The following SLC2A2 variants were observed in gnomAD, a reference collection of about 807,000 sequenced individuals.
The protein encoded by SLC2A2 is solute carrier family 2, facilitated glucose transporter member 2.
SLC2A2 carries 36 observed loss-of-function variants against 54.5 expected under a neutral mutation model. The observed-to-expected ratio is 0.66, with a 90% CI of 0.51 to 0.87. SLC2A2 has a LOEUF of 0.87. Among genes scored for constraint, SLC2A2 ranks in the 40% least tolerant of loss-of-function variants. SLC2A2 has a pLI of 0.00. For missense variants in SLC2A2, 543 were observed against 624.3 expected (o/e 0.87, Z 1.39); for synonymous variants, 223 against 219.1 (o/e 1.02, Z -0.16).
chr3:171,017,502 A>G (rs534041234), intron 2 of SLC2A2, among the ~76,000 whole-genome samples: 8 of 152,214 alleles, frequency 5.3e-5, no homozygotes, highest in Non-Finnish European at 1.2e-4. Flanking sequence ...TTGGGGCTCA[A>G]TGTTCTAAAA....
At position 170,997,525 on chromosome 3, in the gene SLC2A2, G is replaced by T; in HGVS notation, c.*378C>A. The T allele has an allele frequency of 5.2e-6, 1 of 191,678 alleles. No individual in the cohort carries two copies. Among genetic ancestry groups the T allele is most frequent in the Non-Finnish European group, 1.1e-5 (1 of 93,674 alleles). 11.9% of individuals were successfully genotyped at this position (191,678 alleles called of 1,614,324 possible). ...ATGGGTAAGAAAATTCCAATTTAATGATATTCAAATATATAAATATTTGTT... is the reference window on the plus strand; with the variant it reads ...ATGGGTAAGAAAATTCCAATTTAATTATATTCAAATATATAAATATTTGTT... On this transcript the variant is annotated 3_prime_UTR_variant, in exon 11 of 11. Coordinates refer to ENST00000314251, the MANE Select transcript of SLC2A2 (RefSeq NM_000340.2).
intron 2 of SLC2A2, among the ~76,000 whole-genome samples, chr3:171,016,033 T>G (rs937545579): frequency 6.6e-5 from 10 of 152,268 alleles, no homozygotes; most frequent in African/African-American, 2.2e-4. Flanking sequence ...GAAAAGGACC[T>G]GGAATGCAGC....
In SLC2A2 at chr3:171,014,474, A is replaced by G. The variant is rs778974360; in HGVS notation, c.366T>C (p.Leu122=). 1.2e-6 allele frequency: 2 copies of G among 1,614,142 alleles called. No homozygotes were observed. Among genetic ancestry groups the G allele is most frequent in the Non-Finnish European group, 1.7e-6 (2 of 1,179,958 alleles). The change falls in exon 3 of 11, where the codon CTT becomes CTC. Residue 122 remains leucine, a synonymous_variant. Transcript: ENST00000314251. ...SFFGGWLGDT[L]GRIKAMLVAN... ...TATTTATGAAATTTGCCTACCTTCC[A>G]AGTGTGTCCCCAAGCCACCCACCAA...
chr3:170,998,477 C>G, intron 9 of SLC2A2, 81 bp from the exon 10 acceptor site: 3 of 1,057,364 alleles, frequency 2.8e-6, no homozygotes, highest in East Asian at 2.5e-5. Flanking sequence ...TCTGAGTTCA[C>G]AGGCGGCATA....
chr3:171,015,710 C>G (rs187206761), intron 2 of SLC2A2, among the ~76,000 whole-genome samples: 1 of 152,132 alleles, frequency 6.6e-6, no homozygotes, highest in East Asian at 1.9e-4. Flanking sequence ...ACTTCCTAGC[C>G]ACCAGGGCAG....
At chr3:171,011,815 T>G (rs557441921) in intron 3 of SLC2A2, among the ~76,000 whole-genome samples, 2 of 152,222 alleles carry the variant, frequency 1.3e-5, no homozygotes, top group Admixed American at 1.3e-4. Flanking sequence ...AATAGTCTCT[T>G]TTATTAGGGG....
intron 7 of SLC2A2, among the ~76,000 whole-genome samples, chr3:171,004,097 C>T (rs1335408133): frequency 1.3e-5 from 2 of 151,964 alleles, no homozygotes; most frequent in Non-Finnish European, 1.5e-5. Flanking sequence ...TTCCTGCAGA[C>T]AGGACTGAGG....
At chr3:171,006,737 A>G (rs538306714) in intron 5 of SLC2A2, among the ~76,000 whole-genome samples, 1 of 152,180 alleles carries the variant, frequency 6.6e-6, no homozygotes, top group East Asian at 1.9e-4. Context: ...TCACTTACAT[A>G]TTAGATTCCC....
Position 170,997,719 on chromosome 3 carries a change from C to T in SLC2A2, c.*184G>A, listed in dbSNP as rs928186912. 1.6e-6 allele frequency: 1 copy of T among 618,170 alleles called. No individual in the cohort carries two copies. The highest frequency in any genetic ancestry group is 1.8e-5 in the African/African-American group (1 of 54,058). The allele number at this position is 618,170 out of a possible 1,614,324, so 38.3% of individuals were successfully genotyped here. A position where few individuals can be genotyped will look rare whatever the true frequency, so the allele number is the denominator to read the frequency against. ...GTTTACTTAATTACAGTCTTACCAT[C>T]AAAAATATATTCTCTAACTTAAAAA... is the stretch of plus-strand genomic sequence containing the variant. On this transcript the variant is annotated 3_prime_UTR_variant, in exon 11 of 11. Coordinates refer to ENST00000314251, the MANE Select transcript of SLC2A2 (RefSeq NM_000340.2).
rs1322910134 is a variant in SLC2A2 at position 171,010,033 on chromosome 3, A to G, written c.421T>C (p.Leu141=). The change falls in exon 4 of 11, where the codon TTG becomes CTG. Residue 141 remains leucine, a synonymous_variant. Transcript: ENST00000314251. The part of the protein sequence containing the change: ...ANILSLVGAL[L]MGFSKLGPSH... ...GGTCCCAATTTTGAAAACCCCATCAAGAGAGCTCCAACTAATGACAGAATG... is the reference window on the plus strand; with the variant it reads ...GGTCCCAATTTTGAAAACCCCATCAGGAGAGCTCCAACTAATGACAGAATG... The G allele has an allele frequency of 3.7e-6, 6 of 1,613,032 alleles. No homozygotes were observed. The highest frequency in any genetic ancestry group is 5.1e-6 in the Non-Finnish European group (6 of 1,179,368).
At chr3:171,003,171 A>G (rs66683764) in intron 7 of SLC2A2, among the ~76,000 whole-genome samples, 21,650 of 151,888 alleles carry the variant, frequency 0.14, 1,998 homozygotes, top group African/African-American at 0.26. Context: ...CTTGATGTGA[A>G]TGGAACCACA....
intron 4 of SLC2A2, among the ~76,000 whole-genome samples, chr3:171,008,420 A>G (rs936508017): frequency 2.0e-5 from 3 of 152,086 alleles, no homozygotes; most frequent in African/African-American, 7.2e-5. Flanking sequence ...ATACCTGAAA[A>G]ACAGAATAAT....
At position 171,002,584 on chromosome 3, in the gene SLC2A2, C is replaced by A; in HGVS notation, c.1060G>T (p.Ala354Ser). Residue 354 changes from alanine (A) to serine (S), a missense_variant, in exon 8 of 11, where the codon GCT (alanine) becomes TCT (serine). By Grantham distance (99) the Ala-to-Ser change is moderately conservative. Coordinates refer to ENST00000314251, the MANE Select transcript of SLC2A2 (RefSeq NM_000340.2). ...CTAGGGCATTGACTTACAGAGACAGCAGTGAAAACCATGTTTACAGCGCCA... is the reference window on the plus strand; with the variant it reads ...CTAGGGCATTGACTTACAGAGACAGAAGTGAAAACCATGTTTACAGCGCCA... Reference protein sequence around the residue: ...GVGAVNMVFTAVSVFLVEKAG... With the variant: ...GVGAVNMVFTSVSVFLVEKAG... The A allele has an allele frequency of 6.3e-7, 1 of 1,597,334 alleles. No homozygotes were observed.
At chr3:171,000,928 CA>C (rs1049098481) in intron 8 of SLC2A2, among the ~76,000 whole-genome samples, 1 of 151,948 alleles carries the variant, frequency 6.6e-6, no homozygotes, top group Non-Finnish European at 1.5e-5. Context: ...AACAATGTTT[CA>C]AAAATTAATA....
chr3:171,022,095 G>A (rs1009886373), intron 1 of SLC2A2, among the ~76,000 whole-genome samples: 21 of 152,166 alleles, frequency 1.4e-4, no homozygotes, highest in African/African-American at 5.1e-4. Context: ...TTCTTTGGAG[G>A]ACGATTATTC....
rs974686217 is a variant in SLC2A2, at chr3:171,007,039, C to T, written c.612+109G>A. ...GTGAGAATGGACAGTCAGGGAGGGA[C>T]GAGATGGATGAAGTGGAGGAAGTAC... On this transcript the variant is annotated intron_variant, in intron 5 of 10. Transcript: ENST00000314251. The T allele has an allele frequency of 9.1e-5, 67 of 739,024 alleles. 1 individual carries two copies. Among genetic ancestry groups the T allele is most frequent in the Admixed American group, 5.8e-4 (29 of 50,070 alleles). 45.8% of individuals were successfully genotyped at this position (739,024 alleles called of 1,614,324 possible).
At chr3:171,010,259 G>C (rs910301940) in intron 3 of SLC2A2, among the ~76,000 whole-genome samples, 177 bp from the exon 4 acceptor site, 9 of 152,070 alleles carry the variant, frequency 5.9e-5, no homozygotes, top group Non-Finnish European at 1.0e-4. Flanking sequence ...ATGGACTAAA[G>C]TATTACTAAT....
chr3:171,005,963 T>G lies in SLC2A2; in HGVS notation c.755A>C (p.Glu252Ala), dbSNP rs1367431424. 2 of 1,612,364 alleles carry G rather than the reference T, an allele frequency of 1.2e-6. No individual in the cohort carries two copies. Among genetic ancestry groups the G allele is most frequent in the Non-Finnish European group, 1.7e-6 (2 of 1,178,910 alleles). ...CTTACTTTGTTTTGCTTTGACTTCC[T>G]CATCTAACTTGATGTAAAGGTATCT... ...SPRYLYIKLDEEVKAKQSLKR... is the reference protein window; with the variant it reads ...SPRYLYIKLDAEVKAKQSLKR... Residue 252 changes from glutamate to alanine, a missense_variant, in exon 6 of 11, where the codon GAG (glutamate) becomes GCG (alanine). Around this residue, in one of 3 missense-constraint regions of SLC2A2, gnomAD observed 318 missense variants for 343.8 expected, o/e 0.93. Coordinates refer to ENST00000314251, the MANE Select transcript of SLC2A2 (RefSeq NM_000340.2).
In SLC2A2 at chr3:171,009,759, T is replaced by G. The variant is rs142040797; in HGVS notation, c.496+199A>C. Among the ~76,000 whole-genome samples, 442 of 152,188 alleles carry G rather than the reference T, an allele frequency of 2.9e-3. 1 individual carries two copies. Among genetic ancestry groups the G allele is most frequent in the Middle Eastern group, 6.8e-3 (2 of 294 alleles). ...TCATTGCCATGGACGAGAACCTTGATAGCATCATAATTCCTACTTACTGGT... is the reference window on the plus strand; with the variant it reads ...TCATTGCCATGGACGAGAACCTTGAGAGCATCATAATTCCTACTTACTGGT... On this transcript the variant is annotated intron_variant, in intron 4 of 10. Transcript: ENST00000314251.
Sources: gnomAD v4.1 joint callset for allele counts (sites outside exome capture counted in the v4.1 genomes callset) on GRCh38, gnomAD v4.1.1 for gene constraint, gnomAD v4.1.1 regional missense constraint, MANE v1.5 for transcripts, NCBI Gene and HGNC (gene_info 2026-07-23, HGNC 2026-07-21) for gene names.